IGSF21: variants seen among roughly 807,000 people sequenced by gnomAD.
IGSF21 encodes the protein immunoglobin superfamily member 21.
In IGSF21, 28 loss-of-function variants were observed where a neutral mutation model predicts 46.8. That is an observed-to-expected ratio of 0.60 (90% CI 0.44 to 0.82). The LOEUF is 0.82. Ranked by LOEUF, IGSF21 falls within the 40% of genes least tolerant of loss-of-function variation. The probability of loss-of-function intolerance (pLI) is 0.00; values close to 1 mark genes in which losing one functional copy is unlikely to be tolerated. For missense variants in IGSF21, 624 were observed against 665.5 expected, an observed-to-expected ratio of 0.94 and a Z score of 0.69; for synonymous variants, 284 against 273.6, an observed-to-expected ratio of 1.04 and a Z score of -0.38.
At chr1:18,300,994 G>A (rs984321606) in intron 3 of IGSF21, among the ~76,000 whole-genome samples, 3 of 152,134 alleles carry the variant, frequency 2.0e-5, no homozygotes, top group African/African-American at 4.8e-5. Flanking sequence ...CAGGGCCTCC[G>A]TAAAGATTTG....
intron 3 of IGSF21, among the ~76,000 whole-genome samples, chr1:18,308,571 A>G (rs979182214): frequency 6.6e-6 from 1 of 152,152 alleles, no homozygotes; most frequent in South Asian, 2.1e-4. Flanking sequence ...CCATTTTTAT[A>G]GATTAAAAAA....
rs113479331 is a variant in IGSF21 at position 18,180,998 on chromosome 1, C to T, written c.71-46900C>T. Among the ~76,000 whole-genome samples the T allele has an allele frequency of 8.9e-3, 1,356 of 152,282 alleles. 22 individuals carry two copies. The highest frequency in any genetic ancestry group is 0.03 in the African/African-American group (1,228 of 41,546). On this transcript the variant is annotated intron_variant, in intron 1 of 9. Transcript: ENST00000251296. ...TGTTTTCCCCTGGGCCTCAGTCTCC[C>T]CCTCTGTAAAGGAGGGAACTGGGCC...
At chr1:18,270,306 T>C (rs2085030327) in intron 2 of IGSF21, among the ~76,000 whole-genome samples, 1 of 152,194 alleles carries the variant, frequency 6.6e-6, no homozygotes, top group African/African-American at 2.4e-5. Context: ...CTTCCCACTC[T>C]CTTGGCTCCA....
rs1042216040 is a variant in IGSF21, at chr1:18,290,212, GTCCCGTTTC to G, written c.184-1653_184-1645del. 4.6e-5 allele frequency among the ~76,000 whole-genome samples: 7 copies of G among 152,282 alleles called. No homozygotes were observed. Among genetic ancestry groups the G allele is most frequent in the African/African-American group, 1.7e-4 (7 of 41,542 alleles). On this transcript the variant is annotated intron_variant, in intron 2 of 9. Coordinates refer to ENST00000251296, the MANE Select transcript of IGSF21 (RefSeq NM_032880.5). The surrounding 1 kb of genome is among the most constrained non-coding windows in gnomAD (Gnocchi z 4.2). The stretch of plus-strand genomic sequence containing the variant: ...CTCCTCATCTTCCTCCACTCTCATG[GTCCCGTTTC>G]AGAAGCTGGGCCTGTGCTGCAGAAG...
chr1:18,297,112 G>GC (rs533998717), intron 3 of IGSF21, among the ~76,000 whole-genome samples: 98 of 151,988 alleles, frequency 6.4e-4, no homozygotes, highest in Non-Finnish European at 6.3e-4. Flanking sequence ...GAGTCTGCCC[G>GC]CCCCCCCACT....
At chr1:18,267,064 C>T (rs1300030441) in intron 2 of IGSF21, among the ~76,000 whole-genome samples, 1 of 152,162 alleles carries the variant, frequency 6.6e-6, no homozygotes, top group Non-Finnish European at 1.5e-5. Context: ...GCCCATGGCC[C>T]CTGGCTGTGG....
intron 3 of IGSF21, among the ~76,000 whole-genome samples, chr1:18,311,007 A>G (rs1452378940): frequency 6.6e-6 from 1 of 152,150 alleles, no homozygotes; most frequent in African/African-American, 2.4e-5. Flanking sequence ...TCTTAACTTG[A>G]TTACATCTGC....
At chr1:18,262,776 C>A (rs1569664333) in intron 2 of IGSF21, among the ~76,000 whole-genome samples, 1 of 152,224 alleles carries the variant, frequency 6.6e-6, no homozygotes, top group East Asian at 1.9e-4. Flanking sequence ...TCCTTTCCAT[C>A]TGCAGCCATC....
At chr1:18,377,495 C>G in intron 9 of IGSF21, 64 bp downstream of exon 9, 2 of 1,371,752 alleles carry the variant, frequency 1.5e-6, no homozygotes, top group South Asian at 2.3e-5. Flanking sequence ...CCAGAAAGCT[C>G]TGGTCCCCCA....
At chr1:18,304,415 G>A (rs900382044) in intron 3 of IGSF21, among the ~76,000 whole-genome samples, 4 of 152,126 alleles carry the variant, frequency 2.6e-5, no homozygotes, top group Non-Finnish European at 5.9e-5. Context: ...CTCCAGACTC[G>A]GGACAGATCT....
intron 4 of IGSF21, among the ~76,000 whole-genome samples, chr1:18,342,345 C>T (rs1445296731): frequency 4.6e-5 from 7 of 152,176 alleles, no homozygotes; most frequent in Non-Finnish European, 4.4e-5. Flanking sequence ...CCTCCCGCCT[C>T]GGCCCCCCAA....
chr1:18,189,116 A>G (rs2086931311), intron 1 of IGSF21, among the ~76,000 whole-genome samples: 1 of 152,226 alleles, frequency 6.6e-6, no homozygotes, highest in African/African-American at 2.4e-5. Context: ...AGGCCCAGAG[A>G]TGGGCAGTGG....
At chr1:18,143,920 C>T (rs573416030) in intron 1 of IGSF21, among the ~76,000 whole-genome samples, 4 of 152,126 alleles carry the variant, frequency 2.6e-5, no homozygotes, top group South Asian at 2.1e-4. Flanking sequence ...GGGACCTCAC[C>T]GGGGCTGGAG....
At chr1:18,157,234 G>A (rs758539546) in intron 1 of IGSF21, among the ~76,000 whole-genome samples, 14 of 152,196 alleles carry the variant, frequency 9.2e-5, no homozygotes, top group Non-Finnish European at 1.3e-4. Flanking sequence ...CTGGTGCCTC[G>A]TGGAATTTCA....
chr1:18,253,402 C>T (rs1328538546), intron 2 of IGSF21, among the ~76,000 whole-genome samples: 4 of 152,226 alleles, frequency 2.6e-5, no homozygotes, highest in African/African-American at 9.6e-5. Context: ...CCCTTGAGGA[C>T]TGGGCCAGGT....
intron 3 of IGSF21, among the ~76,000 whole-genome samples, chr1:18,303,498 C>A (rs1040230422): frequency 1.1e-4 from 17 of 152,118 alleles, no homozygotes; most frequent in Non-Finnish European, 2.5e-4. Flanking sequence ...TGATCAGGGG[C>A]CTTCCAGAGA....
intron 1 of IGSF21, among the ~76,000 whole-genome samples, chr1:18,116,022 G>A (rs958166820): frequency 6.6e-6 from 1 of 152,144 alleles, no homozygotes. Context: ...AGAAATGCCT[G>A]TTTGGGAGAT....
At chr1:18,282,330 C>A (rs1213918717) in intron 2 of IGSF21, among the ~76,000 whole-genome samples, 12 of 152,192 alleles carry the variant, frequency 7.9e-5, no homozygotes, top group Non-Finnish European at 1.3e-4. Flanking sequence ...ACCCCACCCC[C>A]ACTCTGGCCC....
At chr1:18,265,807 C>A (rs934169637) in intron 2 of IGSF21, among the ~76,000 whole-genome samples, 12 of 152,232 alleles carry the variant, frequency 7.9e-5, no homozygotes, top group Admixed American at 7.8e-4. Context: ...ATTTCCTAGG[C>A]AAGCCCGCTC....
Sources: gnomAD v4.1 joint callset for allele counts (sites outside exome capture counted in the v4.1 genomes callset) on GRCh38, gnomAD v4.1.1 for gene constraint, Gnocchi (gnomAD v3.1) non-coding constraint, MANE v1.5 for transcripts, NCBI Gene and HGNC (gene_info 2026-07-23, HGNC 2026-07-21) for gene names.